Variants in SPIDR observed in about 807,000 individuals in gnomAD.
SPIDR encodes the protein DNA repair-scaffolding protein.
A neutral mutation model predicts 104.6 loss-of-function variants in SPIDR; 93 were observed. The observed-to-expected ratio is 0.89, with a 90% CI of 0.75 to 1.06. The LOEUF is 1.06. SPIDR is among the 50% of genes least tolerant of loss of function. The pLI is 0.00. For missense variants in SPIDR, 1,154 were observed against 1,111.2 expected (o/e 1.04, Z -0.55); for synonymous variants, 431 against 416.9 (o/e 1.03, Z -0.41).
intron 7 of SPIDR, among the ~76,000 whole-genome samples, chr8:47,418,600 A>G (rs1029135860): frequency 1.3e-5 from 2 of 152,174 alleles, no homozygotes; most frequent in Non-Finnish European, 2.9e-5. Context: ...TCCTAGTTGA[A>G]TACCCTTTAT....
chr8:47,261,105 G>A lies in SPIDR; in HGVS notation c.33+114G>A, dbSNP rs1231629789. On this transcript the variant is annotated intron_variant, in intron 1 of 19. Transcript: ENST00000297423. ...GGGTGAGAGAGGGTGGGCGTTGGGG[G>A]TGAAGGGCTAGGTGGTGGCGGGTCC... The A allele has an allele frequency of 5.3e-6, 6 of 1,140,276 alleles. No individual in the cohort carries two copies. In the Admixed American group the frequency reaches 1.3e-4, roughly 25 times the overall value. 70.6% of individuals were successfully genotyped at this position (1,140,276 alleles called of 1,614,324 possible).
intron 5 of SPIDR, among the ~76,000 whole-genome samples, chr8:47,304,968 G>T (rs1554580621): frequency 6.6e-6 from 1 of 152,140 alleles, no homozygotes; most frequent in Non-Finnish European, 1.5e-5. Flanking sequence ...CTCACTTGTC[G>T]TTCTGCTTTC....
Position 47,419,101 on chromosome 8 carries a change from A to G in SPIDR, c.877+11140A>G, listed in dbSNP as rs1418156808. 2.6e-5 allele frequency: 4 copies of G among 152,168 alleles called. No individual in the cohort carries two copies. In the East Asian group the frequency reaches 7.7e-4, roughly 29 times the overall value. 9.4% of individuals were successfully genotyped at this position (152,168 alleles called of 1,614,324 possible). A position where few individuals can be genotyped will look rare whatever the true frequency, so the allele number is the denominator to read the frequency against. The stretch of plus-strand genomic sequence containing the variant: ...TCTCTTTTTTGGTTGTGTCTCTGCC[A>G]GGCTTTGGTATCAGGATGATGCTGG... On this transcript the variant is annotated intron_variant, in intron 7 of 19. Transcript: ENST00000297423.
At chr8:47,735,253 G>T (rs894256466) in intron 19 of SPIDR, 54 bp from the exon 20 acceptor site, 8 of 1,572,906 alleles carry the variant, frequency 5.1e-6, no homozygotes, top group African/African-American at 1.4e-5. Flanking sequence ...GTGTTGTTGG[G>T]AACAGTACGT....
At chr8:47,727,924 C>T (rs975433435) in intron 17 of SPIDR, among the ~76,000 whole-genome samples, 2 of 151,862 alleles carry the variant, frequency 1.3e-5, no homozygotes, top group Non-Finnish European at 2.9e-5. Context: ...CCAGACCATC[C>T]TGGCCAACAT....
intron 5 of SPIDR, among the ~76,000 whole-genome samples, chr8:47,361,613 G>T (rs1401280238): frequency 6.6e-6 from 1 of 152,226 alleles, no homozygotes; most frequent in Non-Finnish European, 1.5e-5. Flanking sequence ...AGACGCTTCT[G>T]CCACCTCTGA....
At chr8:47,285,167 C>G (rs1469142375) in intron 3 of SPIDR, among the ~76,000 whole-genome samples, 2 of 152,144 alleles carry the variant, frequency 1.3e-5, no homozygotes. Context: ...AGCAGTTGCT[C>G]ATATGTCTGA....
At chr8:47,400,212 A>G (rs2061695609) in intron 6 of SPIDR, among the ~76,000 whole-genome samples, 1 of 152,224 alleles carries the variant, frequency 6.6e-6, no homozygotes, top group Non-Finnish European at 1.5e-5. Flanking sequence ...TAGGGGAGAC[A>G]ACACAGTGCT....
intron 10 of SPIDR, among the ~76,000 whole-genome samples, chr8:47,606,973 A>G (rs916510320): frequency 6.6e-6 from 1 of 152,218 alleles, no homozygotes; most frequent in African/African-American, 2.4e-5. Context: ...TCAACAACAC[A>G]GGGGACCATT....
chr8:47,686,908 A>G, intron 11 of SPIDR, among the ~76,000 whole-genome samples: 1 of 151,656 alleles, frequency 6.6e-6, no homozygotes, highest in Non-Finnish European at 1.5e-5. Flanking sequence ...ATAGTAAATA[A>G]TTACACTGCC....
intron 8 of SPIDR, among the ~76,000 whole-genome samples, chr8:47,475,316 A>C (rs2076155205): frequency 6.6e-6 from 1 of 152,220 alleles, no homozygotes; most frequent in Non-Finnish European, 1.5e-5. Flanking sequence ...GGCCCAGAGC[A>C]TGCTCGGATT....
intron 5 of SPIDR, among the ~76,000 whole-genome samples, chr8:47,306,521 A>G (rs1307327180): frequency 4.6e-5 from 7 of 152,202 alleles, no homozygotes; most frequent in African/African-American, 9.7e-5. Context: ...GTGACCTAAC[A>G]TATGGTCTAT....
At chr8:47,415,454 G>A (rs1242955417) in intron 7 of SPIDR, among the ~76,000 whole-genome samples, 1 of 152,128 alleles carries the variant, frequency 6.6e-6, no homozygotes, top group African/African-American at 2.4e-5. Context: ...CTTATCACCT[G>A]TTACTGTGGT....
chr8:47,499,283 G>A (rs1158124369), intron 8 of SPIDR, among the ~76,000 whole-genome samples: 10 of 152,180 alleles, frequency 6.6e-5, no homozygotes, highest in African/African-American at 2.4e-4. Context: ...GTCTATGACT[G>A]TCAGACTTTT....
rs1170463356 is a variant in SPIDR, at chr8:47,307,509, G to A, written c.525+13479G>A. 7.6e-5 allele frequency among the ~76,000 whole-genome samples: 11 copies of A among 144,322 alleles called. No homozygotes were observed. In the South Asian group the frequency reaches 1.1e-3, roughly 14 times the overall value. The allele number at this position is 144,322 out of a possible 152,430, so 94.7% of individuals were successfully genotyped here. A position where few individuals can be genotyped will look rare whatever the true frequency, so the allele number is the denominator to read the frequency against. ...GCTGGGATTACAGGTGTGAGCCACC[G>A]CACCCAGCCTCTTTTCTCATTTCGT... On this transcript the variant is annotated intron_variant, in intron 5 of 19. Coordinates refer to ENST00000297423, the MANE Select transcript of SPIDR (RefSeq NM_001080394.4).
chr8:47,395,825 AGT>A (rs1388961193), intron 5 of SPIDR, among the ~76,000 whole-genome samples: 39 of 152,354 alleles, frequency 2.6e-4, no homozygotes, highest in African/African-American at 8.4e-4. Context: ...ATTCTTAAAT[AGT>A]TCCTGTTGGT....
At chr8:47,510,446 T>TA (rs1449190713) in intron 8 of SPIDR, among the ~76,000 whole-genome samples, 9 of 152,156 alleles carry the variant, frequency 5.9e-5, no homozygotes, top group Admixed American at 2.0e-4. Context: ...TTGTTTAGCA[T>TA]AAAAAAATTA....
intron 7 of SPIDR, among the ~76,000 whole-genome samples, chr8:47,437,371 A>G (rs2068540744): frequency 6.6e-6 from 1 of 151,714 alleles, no homozygotes; most frequent in African/African-American, 2.4e-5. Flanking sequence ...GCGATAGTTT[A>G]CTGAGAATGA....
chr8:47,510,850 A>T (rs2154375828), intron 8 of SPIDR, among the ~76,000 whole-genome samples: 1 of 152,324 alleles, frequency 6.6e-6, no homozygotes, highest in South Asian at 2.1e-4. Context: ...CATCACAAAA[A>T]CCCAGGAAAT....
Sources: gnomAD v4.1 joint callset for allele counts (sites outside exome capture counted in the v4.1 genomes callset) on GRCh38, gnomAD v4.1.1 for gene constraint, MANE v1.5 for transcripts, NCBI Gene and HGNC (gene_info 2026-07-23, HGNC 2026-07-21) for gene names.